CTNNA3: variants seen among roughly 807,000 people sequenced by gnomAD.
CTNNA3 encodes catenin alpha 3.
Under a neutral mutation model 95.7 loss-of-function variants are expected in CTNNA3, and 76 were observed. The observed-to-expected ratio is 0.79, with a 90% CI of 0.66 to 0.96. The LOEUF is 0.96. Ranked by LOEUF, CTNNA3 falls within the 40% of genes least tolerant of loss-of-function variation. The probability of loss-of-function intolerance (pLI) is 0.00; values close to 1 mark genes in which losing one functional copy is unlikely to be tolerated. For synonymous variants in CTNNA3, 431 were observed against 374.4 expected, an observed-to-expected ratio of 1.15 and a Z score of -1.74; for missense variants, 1,191 against 1,089.8, an observed-to-expected ratio of 1.09 and a Z score of -1.31.
intron 5 of CTNNA3, among the ~76,000 whole-genome samples, chr10:67,494,088 AC>A (rs1838950178): frequency 1.3e-5 from 2 of 152,188 alleles, no homozygotes. Context: ...AGGATAGCAT[AC>A]TTTTTGTGAC....
intron 15 of CTNNA3, among the ~76,000 whole-genome samples, chr10:65,990,106 C>CAT (rs538583589): frequency 0.013 from 1,998 of 150,194 alleles, 29 homozygotes; most frequent in Non-Finnish European, 0.021. Flanking sequence ...TACACACACA[C>CAT]ACACCACATT....
At chr10:66,758,839 G>A (rs1839482155) in intron 9 of CTNNA3, among the ~76,000 whole-genome samples, 1 of 152,094 alleles carries the variant, frequency 6.6e-6, no homozygotes, top group Admixed American at 6.6e-5. Flanking sequence ...GGAGACTGAG[G>A]CAGGAGAATC....
intron 7 of CTNNA3, among the ~76,000 whole-genome samples, chr10:66,840,967 T>C (rs537762341): frequency 1.1e-4 from 16 of 152,332 alleles, no homozygotes; most frequent in African/African-American, 3.8e-4. Flanking sequence ...TTTCTAATTT[T>C]GTCATTCTAC....
intron 5 of CTNNA3, among the ~76,000 whole-genome samples, chr10:67,410,219 G>A (rs918848103): frequency 3.3e-5 from 5 of 152,106 alleles, no homozygotes; most frequent in Non-Finnish European, 7.4e-5. Flanking sequence ...CATGGATAGA[G>A]TTGGAGGCCA....
rs377158111 is a variant in CTNNA3 at position 67,606,988 on chromosome 10, C to G, written c.161G>C (p.Arg54Thr). ...CACAGAAGCTAGAAGGACACTGGCTCTTTTCGAACGTCCTTTTTTCCTGCT... is the reference window on the plus strand; with the variant it reads ...CACAGAAGCTAGAAGGACACTGGCTGTTTTCGAACGTCCTTTTTTCCTGCT... ...PSSRKKGRSK[R>T]ASVLLASVEE... The change falls in exon 3 of 18, where the codon AGA becomes ACA. Residue 54 changes from arginine (R) to threonine (T), a missense_variant. Physicochemically the swap from Arg to Thr is moderately conservative, Grantham distance 71. Transcript: ENST00000433211. 4.3e-6 allele frequency: 7 copies of G among 1,613,982 alleles called. No individual in the cohort carries two copies. The highest frequency in any genetic ancestry group is 5.9e-6 in the Non-Finnish European group (7 of 1,179,984).
At chr10:66,173,086 A>C (rs1342190796) in intron 13 of CTNNA3, among the ~76,000 whole-genome samples, 4 of 152,174 alleles carry the variant, frequency 2.6e-5, no homozygotes, top group African/African-American at 9.6e-5. Context: ...GAGGAGAAGC[A>C]AAGGGAATTT....
At position 67,377,574 on chromosome 10, in the gene CTNNA3, G is replaced by A. The variant is rs533385146; in HGVS notation, c.579+144268C>T. 2.0e-5 allele frequency among the ~76,000 whole-genome samples: 3 copies of A among 152,180 alleles called. No individual in the cohort carries two copies. In the South Asian group the frequency reaches 6.2e-4, roughly 32 times the overall value. On this transcript the variant is annotated intron_variant, in intron 5 of 17. Transcript: ENST00000433211. ...AATTGTTTTAAATTTTTTGCAGGTTGCTGAATTCTGAGATGTTTTTGCTCT... is the reference window on the plus strand; with the variant it reads ...AATTGTTTTAAATTTTTTGCAGGTTACTGAATTCTGAGATGTTTTTGCTCT...
At chr10:67,504,825 A>G (rs1176372929) in intron 5 of CTNNA3, among the ~76,000 whole-genome samples, 1 of 152,234 alleles carries the variant, frequency 6.6e-6, no homozygotes, top group East Asian at 1.9e-4. Context: ...TAGATTTCAA[A>G]GAGATTCCAA....
chr10:66,598,664 C>T (rs1843809829), intron 10 of CTNNA3, among the ~76,000 whole-genome samples: 1 of 151,524 alleles, frequency 6.6e-6, no homozygotes, highest in African/African-American at 2.4e-5. Flanking sequence ...ACATAAAGAA[C>T]AAAATACTTA....
At chr10:65,958,026 A>G (rs894867599) in intron 17 of CTNNA3, among the ~76,000 whole-genome samples, 9 of 152,158 alleles carry the variant, frequency 5.9e-5, no homozygotes, top group African/African-American at 2.2e-4. Flanking sequence ...TACACCAATC[A>G]GATGTAGATT....
At chr10:66,746,276 T>C (rs1838869474) in intron 9 of CTNNA3, among the ~76,000 whole-genome samples, 1 of 152,126 alleles carries the variant, frequency 6.6e-6, no homozygotes, top group Admixed American at 6.6e-5. Context: ...AAATATTTTA[T>C]GAAAGGTATA....
chr10:66,912,448 T>C (rs1846262406), intron 7 of CTNNA3, among the ~76,000 whole-genome samples: 1 of 152,184 alleles, frequency 6.6e-6, no homozygotes, highest in Non-Finnish European at 1.5e-5. Context: ...TCTATTTCAT[T>C]AAAAATTAAA....
At chr10:66,717,645 A>G (rs1848495681) in intron 9 of CTNNA3, among the ~76,000 whole-genome samples, 1 of 152,186 alleles carries the variant, frequency 6.6e-6, no homozygotes, top group Non-Finnish European at 1.5e-5. Flanking sequence ...ATGTGGACGT[A>G]GGAAGCAGTC....
chr10:66,963,179 A>G (rs762992494), intron 7 of CTNNA3, among the ~76,000 whole-genome samples: 4 of 152,214 alleles, frequency 2.6e-5, no homozygotes, highest in Non-Finnish European at 5.9e-5. Context: ...TACTGTAAAA[A>G]CTAACTAGTG....
At chr10:66,549,517 TC>T (rs1241677483) in intron 10 of CTNNA3, among the ~76,000 whole-genome samples, 3 of 152,302 alleles carry the variant, frequency 2.0e-5, no homozygotes, top group South Asian at 4.1e-4. Flanking sequence ...TTCACTGTTT[TC>T]TTTTACCTGC....
At chr10:67,566,289 A>T (rs1416963895) in intron 3 of CTNNA3, among the ~76,000 whole-genome samples, 1 of 146,448 alleles carries the variant, frequency 6.8e-6, no homozygotes, top group Non-Finnish European at 1.5e-5. Flanking sequence ...AAGGGCTGAT[A>T]TCCAGAATCT....
intron 5 of CTNNA3, among the ~76,000 whole-genome samples, chr10:67,229,441 C>T (rs1282115185): frequency 2.0e-5 from 3 of 152,112 alleles, no homozygotes; most frequent in East Asian, 1.9e-4. Flanking sequence ...CACTCCTCTG[C>T]AACATAGTAC....
At chr10:66,597,511 CATATATAT>C (rs369390875) in intron 10 of CTNNA3, among the ~76,000 whole-genome samples, 2,379 of 70,896 alleles carry the variant, frequency 0.034, 42 homozygotes, top group East Asian at 0.049. Flanking sequence ...TTATTTCATA[CATATATAT>C]ATATATATAT....
chr10:66,817,421 A>G (rs1453529516), intron 7 of CTNNA3, among the ~76,000 whole-genome samples: 1 of 152,036 alleles, frequency 6.6e-6, no homozygotes, highest in Non-Finnish European at 1.5e-5. Flanking sequence ...TTCTAGTTAG[A>G]CTGGCCAACA....
Sources: allele counts gnomAD v4.1 joint callset (sites outside exome capture counted in the v4.1 genomes callset), GRCh38; gene constraint gnomAD v4.1.1; transcripts MANE v1.5; gene names NCBI Gene and HGNC (gene_info 2026-07-23, HGNC 2026-07-21).